The following WDR72 variants were observed in gnomAD, a reference collection of about 807,000 sequenced individuals.
WDR72 encodes the protein WD repeat-containing protein 72.
In WDR72, 120 loss-of-function variants were observed where a neutral mutation model predicts 124.2. The observed-to-expected ratio is 0.97, with a 90% CI of 0.83 to 1.12. WDR72 has a LOEUF of 1.12. WDR72 is among the 50% of genes most tolerant of loss of function. The pLI, the probability that WDR72 is intolerant of heterozygous loss-of-function variation, is 0.00. For synonymous variants in WDR72, 452 were observed against 441.7 expected, an observed-to-expected ratio of 1.02 and a Z score of -0.29; for missense variants, 1,387 against 1,278.8, an observed-to-expected ratio of 1.08 and a Z score of -1.29.
intron 13 of WDR72, among the ~76,000 whole-genome samples, chr15:53,688,291 C>CA (rs2016713762): frequency 6.7e-6 from 1 of 148,848 alleles, no homozygotes; most frequent in Non-Finnish European, 1.5e-5. Flanking sequence ...TTGCAGACGA[C>CA]ATGATTGTAT....
At chr15:53,686,905 T>A (rs943129018) in intron 13 of WDR72, among the ~76,000 whole-genome samples, 1 of 151,686 alleles carries the variant, frequency 6.6e-6, no homozygotes, top group Non-Finnish European at 1.5e-5. Flanking sequence ...GGATTAAGAA[T>A]CTCACTCAAA....
chr15:53,595,279 T>C (rs1473785882), intron 18 of WDR72, among the ~76,000 whole-genome samples: 2 of 146,620 alleles, frequency 1.4e-5, no homozygotes, highest in Non-Finnish European at 3.0e-5. Flanking sequence ...CTAAATTCTA[T>C]ACTATCAACA....
chr15:53,601,127 C>T (rs1176587553), intron 17 of WDR72, among the ~76,000 whole-genome samples: 1 of 152,074 alleles, frequency 6.6e-6, no homozygotes. Context: ...AGGTCACCTA[C>T]AAAGGGAAGC....
At chr15:53,538,987 A>C (rs559334589) in intron 18 of WDR72, among the ~76,000 whole-genome samples, 9 of 152,332 alleles carry the variant, frequency 5.9e-5, no homozygotes, top group South Asian at 2.1e-4. Context: ...GCAAATTTCA[A>C]AATAGTGATA....
chr15:53,756,333 G>T (rs1025667969), intron 1 of WDR72, among the ~76,000 whole-genome samples: 1 of 152,252 alleles, frequency 6.6e-6, no homozygotes, highest in Non-Finnish European at 1.5e-5. Flanking sequence ...GTTTCCTGAG[G>T]CCTCCCCAGC....
At chr15:53,656,331 A>G (rs976215718) in intron 14 of WDR72, among the ~76,000 whole-genome samples, 1 of 152,196 alleles carries the variant, frequency 6.6e-6, no homozygotes, top group Non-Finnish European at 1.5e-5. Flanking sequence ...ATTAAAACAG[A>G]ATTCAGAAAA....
intron 14 of WDR72, among the ~76,000 whole-genome samples, chr15:53,634,501 A>G (rs1311271352): frequency 6.6e-6 from 1 of 152,218 alleles, no homozygotes; most frequent in Non-Finnish European, 1.5e-5. Context: ...TAGCTAAAAA[A>G]AAATGCAAAA....
intron 14 of WDR72, among the ~76,000 whole-genome samples, chr15:53,617,533 GAACA>G (rs1314189683): frequency 6.6e-6 from 1 of 151,352 alleles, no homozygotes; most frequent in Non-Finnish European, 1.5e-5. Context: ...ATGAAATGGA[GAACA>G]AATTATAAGA....
rs117108090 is a variant in WDR72 at position 53,559,119 on chromosome 15, T to G, written c.3149-35797A>C. ...ACGCCAACGTTAAATGGTTATTTAC[T>G]TATAACTTGCTAATGTACTTTTCTC... On this transcript the variant is annotated intron_variant, in intron 18 of 19. Transcript: ENST00000360509. Among the ~76,000 whole-genome samples the G allele has an allele frequency of 6.9e-3, 1,057 of 152,100 alleles. 16 individuals are homozygous for G. Among genetic ancestry groups the G allele is most frequent in the East Asian group, 0.069 (353 of 5,146 alleles).
chr15:53,761,141 A>G (rs2019056273), upstream of WDR72, among the ~76,000 whole-genome samples: 1 of 152,172 alleles, frequency 6.6e-6, no homozygotes, highest in Non-Finnish European at 1.5e-5. Context: ...ATAAATAAAT[A>G]TAAAAATAGG....
chr15:53,743,020 C>T (rs2018549344), intron 1 of WDR72, among the ~76,000 whole-genome samples: 1 of 152,108 alleles, frequency 6.6e-6, no homozygotes, highest in Admixed American at 6.5e-5. Flanking sequence ...TACTCAGATA[C>T]CACACTGGAT....
intron 18 of WDR72, among the ~76,000 whole-genome samples, chr15:53,523,643 C>G (rs910921748): frequency 2.0e-5 from 3 of 151,952 alleles, no homozygotes; most frequent in Non-Finnish European, 2.9e-5. Context: ...ACAATATAGT[C>G]AATTAACAGC....
intron 14 of WDR72, among the ~76,000 whole-genome samples, chr15:53,622,085 T>G (rs117085117): frequency 6.6e-6 from 1 of 152,094 alleles, no homozygotes; most frequent in Admixed American, 6.6e-5. Context: ...TACCATCTCA[T>G]GCCATTCAGA....
intron 14 of WDR72, among the ~76,000 whole-genome samples, chr15:53,619,031 AATTTTG>A (rs1174869958): frequency 6.6e-6 from 1 of 151,852 alleles, no homozygotes; most frequent in Non-Finnish European, 1.5e-5. Context: ...TTGAGTTCCT[AATTTTG>A]ATTTTTACAT....
chr15:53,599,309 G>C (rs1382577891), intron 17 of WDR72, among the ~76,000 whole-genome samples: 1 of 151,822 alleles, frequency 6.6e-6, no homozygotes, highest in African/African-American at 2.4e-5. Context: ...TTTTAAATTT[G>C]TCATACATGT....
chr15:53,743,548 G>C (rs1195564889), intron 1 of WDR72, among the ~76,000 whole-genome samples: 1 of 152,084 alleles, frequency 6.6e-6, no homozygotes, highest in Non-Finnish European at 1.5e-5. Context: ...ATGATTTTTA[G>C]CCATTCGAAA....
intron 2 of WDR72, among the ~76,000 whole-genome samples, chr15:53,730,853 A>C (rs1465042554): frequency 6.6e-6 from 1 of 152,150 alleles, no homozygotes; most frequent in East Asian, 1.9e-4. Context: ...TGACCACCTT[A>C]TGGATAACAA....
intron 3 of WDR72, among the ~76,000 whole-genome samples, chr15:53,717,247 T>C (rs1020779416): frequency 6.6e-6 from 1 of 152,202 alleles, no homozygotes; most frequent in Non-Finnish European, 1.5e-5. Context: ...ACTTCGTTTA[T>C]GTATTACAAA....
intron 1 of WDR72, among the ~76,000 whole-genome samples, chr15:53,753,623 CCCT>C (rs1209037442): frequency 6.6e-6 from 1 of 152,122 alleles, no homozygotes; most frequent in African/African-American, 2.4e-5. Context: ...GTTTCATAGT[CCCT>C]ATCTCACCAC....
Sources: allele counts gnomAD v4.1 joint callset (sites outside exome capture counted in the v4.1 genomes callset), GRCh38; gene constraint gnomAD v4.1.1; transcripts MANE v1.5; gene names NCBI Gene and HGNC (gene_info 2026-07-23, HGNC 2026-07-21).